ELP2: variants seen among roughly 807,000 people sequenced by gnomAD.
The protein encoded by ELP2 is elongator complex protein 2.
Under a neutral mutation model 119.2 loss-of-function variants are expected in ELP2, and 90 were observed. That is an observed-to-expected ratio of 0.75 (90% confidence interval 0.64 to 0.90). The LOEUF is 0.90. ELP2 is among the 40% of genes least tolerant of loss of function. The probability of loss-of-function intolerance (pLI) is 0.00; values close to 1 mark genes in which losing one functional copy is unlikely to be tolerated. For synonymous variants in ELP2, 339 were observed against 331.0 expected (o/e 1.02, Z -0.26); for missense variants, 921 against 967.8 (o/e 0.95, Z 0.64).
Position 36,164,424 on chromosome 18 carries a change from C to G in ELP2, c.1762-51C>G, listed in dbSNP as rs758644072. On this transcript the variant is annotated intron_variant, in intron 17 of 21. Transcript: ENST00000358232. The stretch of plus-strand genomic sequence containing the variant: ...ATGTGTTGTTTTTAAAATGTTTTCT[C>G]TTCAGTTTATTTTTACTTACTAGCT... 39 of 1,510,826 alleles carry G rather than the reference C, an allele frequency of 2.6e-5. 1 individual carries two copies. The South Asian group carries it at 4.4e-4, about 17-fold the overall frequency. The allele number at this position is 1,510,826 out of a possible 1,614,324, so 93.6% of individuals were successfully genotyped here. A position where few individuals can be genotyped will look rare whatever the true frequency, so the allele number is the denominator to read the frequency against.
intron 11 of ELP2, among the ~76,000 whole-genome samples, chr18:36,149,824 C>T (rs1429948878): frequency 6.6e-6 from 1 of 152,006 alleles, no homozygotes; most frequent in Non-Finnish European, 1.5e-5. Context: ...ATGCTTTTAT[C>T]TCCCCTTATT....
In ELP2 at chr18:36,156,557, C is replaced by T. The variant is rs1374671670; in HGVS notation, c.1367C>T (p.Ala456Val). 1 of 1,613,904 alleles carries T rather than the reference C, an allele frequency of 6.2e-7. No individual in the cohort carries two copies. Among genetic ancestry groups the T allele is most frequent in the African/African-American group, 1.3e-5 (1 of 74,878 alleles). The change falls in exon 13 of 22, where the codon GCA becomes GTA. Residue 456 changes from alanine to valine, a missense_variant. Coordinates refer to ENST00000358232, the MANE Select transcript of ELP2 (RefSeq NM_018255.4). ...AATCGGTTTCAGTTTGTATCTGGAG[C>T]AGATGAAAAAGTTCTTCGGGTTTTT... is the stretch of plus-strand genomic sequence containing the variant. ...MINRFQFVSG[A>V]DEKVLRVFSA...
rs770006292 is a variant in ELP2, at chr18:36,159,972, G to T, written c.1645G>T (p.Asp549Tyr). Residue 549 changes from aspartate (D) to tyrosine (Y), a missense_variant, in exon 16 of 22, where the codon GAT (aspartate) becomes TAT (tyrosine). Asp to Tyr is a radical substitution (Grantham distance 160). Coordinates refer to ENST00000358232, the MANE Select transcript of ELP2 (RefSeq NM_018255.4). The stretch of plus-strand genomic sequence containing the variant: ...ATTTATTCTAGAGCCTCCCACTGAG[G>T]ATCATCTTCTGCAGAATACTTTGTG... ...PSILTEPPTE[D>Y]HLLQNTLWPE... 1 of 1,614,062 alleles carries T rather than the reference G, an allele frequency of 6.2e-7. No individual in the cohort carries two copies. Among genetic ancestry groups the T allele is most frequent in the East Asian group, 2.2e-5 (1 of 44,856 alleles).
At chr18:36,133,988 C>T (rs1032573043) in intron 2 of ELP2, among the ~76,000 whole-genome samples, 1 of 140,740 alleles carries the variant, frequency 7.1e-6, no homozygotes. Flanking sequence ...CGGCTCACTG[C>T]GAGCTCCGCC....
chr18:36,171,071 G>C lies in ELP2; in HGVS notation c.2235G>C (p.Glu745Asp). The change falls in exon 21 of 22, where the codon GAG becomes GAC. Residue 745 changes from glutamate to aspartate, a missense_variant. Transcript: ENST00000358232. ...SQRYVVAVGL[E>D]CGKICLYTWK... ...GATACGTGGTTGCAGTAGGATTGGA[G>C]TGTGGAAAGATTTGCTTATATACCT... 1 of 1,613,718 alleles carries C rather than the reference G, an allele frequency of 6.2e-7. No homozygotes were observed. The highest frequency in any genetic ancestry group is 8.5e-7 in the Non-Finnish European group (1 of 1,179,558).
rs1015249148 is a variant in ELP2 at position 36,179,878 on chromosome 18, C to T, written c.*5237C>T. 6.6e-6 allele frequency: 1 copy of T among 152,192 alleles called. No homozygotes were observed. The highest frequency in any genetic ancestry group is 2.4e-5 in the African/African-American group (1 of 41,424). 9.4% of individuals were successfully genotyped at this position (152,192 alleles called of 1,614,324 possible). ...ACCCCAATGAGTTGGGCAACAGAAA[C>T]CCAGCTCACACTGGCTGTCACTGTG... is the stretch of plus-strand genomic sequence containing the variant. On this transcript the variant is annotated 3_prime_UTR_variant, in exon 22 of 22. Transcript: ENST00000358232.
intron 19 of ELP2, among the ~76,000 whole-genome samples, chr18:36,169,419 T>A (rs1317051254): frequency 1.3e-5 from 2 of 149,060 alleles, no homozygotes; most frequent in African/African-American, 4.9e-5. Flanking sequence ...GGAGTTTCAC[T>A]CTTGTTGCTC....
At chr18:36,163,943 A>G (rs1473358887) in intron 17 of ELP2, among the ~76,000 whole-genome samples, 1 of 152,204 alleles carries the variant, frequency 6.6e-6, no homozygotes, top group Non-Finnish European at 1.5e-5. Context: ...AGTTTCTGCA[A>G]AAATACCTGC....
rs2091274341 is a variant in ELP2, at chr18:36,178,692, G to T, written c.*4051G>T. The T allele has an allele frequency of 6.7e-6, 1 of 149,728 alleles. No individual in the cohort carries two copies. The highest frequency in any genetic ancestry group is 1.5e-5 in the Non-Finnish European group (1 of 67,622). 9.3% of individuals were successfully genotyped at this position (149,728 alleles called of 1,614,324 possible). A position where few individuals can be genotyped will look rare whatever the true frequency, so the allele number is the denominator to read the frequency against. On this transcript the variant is annotated 3_prime_UTR_variant, in exon 22 of 22. Transcript: ENST00000358232. The stretch of plus-strand genomic sequence containing the variant: ...ACCTAAGCTGGTCTTGAACTCCTGG[G>T]CTCAAGCAGTTCTCCCACCTCAGCC...
In ELP2 at chr18:36,161,007, A is replaced by G. The variant is rs1207998689; in HGVS notation, c.1761+3A>G. On this transcript the variant is annotated splice_donor_region_variant and intron_variant, in intron 17 of 21. Transcript: ENST00000358232. ...CTCTGCTTGCCTCAGCTTGTAAGGTAGGGAAGTTTACTTTTGATTCTGCTT... is the reference window on the plus strand; with the variant it reads ...CTCTGCTTGCCTCAGCTTGTAAGGTGGGGAAGTTTACTTTTGATTCTGCTT... 6.2e-7 allele frequency: 1 copy of G among 1,611,290 alleles called. No homozygotes were observed. The highest frequency in any genetic ancestry group is 1.3e-5 in the African/African-American group (1 of 74,818).
chr18:36,136,717 A>G, intron 3 of ELP2: 2 of 274,892 alleles, frequency 7.3e-6, no homozygotes, highest in South Asian at 8.6e-5. Flanking sequence ...TGTATCTTTT[A>G]TACTACACAG....
rs1437051130 is a variant in ELP2, at chr18:36,136,223, A to T, written c.218-84A>T. On this transcript the variant is annotated intron_variant, in intron 2 of 21. Transcript: ENST00000358232. ...GAATCTAGGTAGAGGGTACAGGGGT[A>T]TTGTTTTTTGGTGTAGCTTGGAAAT... 6 of 972,540 alleles carry T rather than the reference A, an allele frequency of 6.2e-6. No homozygotes were observed. The East Asian group carries it at 1.5e-4, about 24-fold the overall frequency. The allele number at this position is 972,540 out of a possible 1,614,324, so 60.2% of individuals were successfully genotyped here.
At chr18:36,147,096 T>G (rs1007505120) in intron 11 of ELP2, among the ~76,000 whole-genome samples, 2 of 150,898 alleles carry the variant, frequency 1.3e-5, no homozygotes, top group Non-Finnish European at 3.0e-5. Context: ...TTTTTTTTTT[T>G]TTTTTTCTTT....
At chr18:36,145,896 T>C (rs1432392094) in intron 9 of ELP2, 52 bp from the exon 10 acceptor site, 1 of 1,455,528 alleles carries the variant, frequency 6.9e-7, no homozygotes, top group Non-Finnish European at 9.7e-7. Flanking sequence ...TCTGGTCATC[T>C]ACAAACATGA....
At chr18:36,137,896 C>A (rs1429301978) in intron 3 of ELP2, among the ~76,000 whole-genome samples, 2 of 150,800 alleles carry the variant, frequency 1.3e-5, no homozygotes, top group African/African-American at 4.9e-5. Flanking sequence ...TTCACTAAAA[C>A]CTGGACAAAC....
intron 1 of ELP2, 97 bp downstream of exon 1, chr18:36,130,168 A>G: frequency 1.3e-6 from 2 of 1,536,922 alleles, no homozygotes; most frequent in African/African-American, 1.4e-5. Flanking sequence ...CAGACCTAGG[A>G]GGCGAGTCGG....
intron 4 of ELP2, 124 bp from the exon 5 acceptor site, chr18:36,138,671 G>C (rs562147638): frequency 4.5e-5 from 42 of 925,912 alleles, no homozygotes; most frequent in Non-Finnish European, 7.1e-5. Context: ...GTCAGTGGGG[G>C]CTCAGGATTG....
chr18:36,141,898 C>G (rs987416155), intron 6 of ELP2, among the ~76,000 whole-genome samples: 2 of 151,990 alleles, frequency 1.3e-5, no homozygotes, highest in African/African-American at 4.8e-5. Context: ...ACTTTATTGC[C>G]CCGGCTGGTC....
chr18:36,146,525 T>G, intron 11 of ELP2, 144 bp downstream of exon 11: 1 of 851,586 alleles, frequency 1.2e-6, no homozygotes, highest in Non-Finnish European at 1.8e-6. Context: ...TAGACATTGT[T>G]AAGGTATTGA....
Sources: allele counts gnomAD v4.1 joint callset (sites outside exome capture counted in the v4.1 genomes callset), GRCh38; gene constraint gnomAD v4.1.1; transcripts MANE v1.5; gene names NCBI Gene and HGNC (gene_info 2026-07-23, HGNC 2026-07-21).